Variants in ARHGEF28 observed in about 807,000 individuals in gnomAD.
ARHGEF28 encodes the protein Rho guanine nucleotide exchange factor 28.
A neutral mutation model predicts 206.6 loss-of-function variants in ARHGEF28; 152 were observed. The ratio of observed to expected loss-of-function variants is 0.74; its 90% confidence interval spans 0.64 to 0.84. The LOEUF (loss-of-function observed/expected upper bound fraction) is 0.84, where lower values mean the gene tolerates loss of function less well. Ranked by LOEUF, ARHGEF28 falls within the 40% of genes least tolerant of loss-of-function variation. The pLI is 0.00. For missense variants in ARHGEF28, 2,028 were observed against 2,073.2 expected (o/e 0.98, Z 0.42); for synonymous variants, 763 against 776.4 (o/e 0.98, Z 0.29).
intron 10 of ARHGEF28, among the ~76,000 whole-genome samples, chr5:73,838,439 T>G (rs1757794521): frequency 6.6e-6 from 1 of 152,202 alleles, no homozygotes; most frequent in Non-Finnish European, 1.5e-5. Flanking sequence ...TGTTTCCCAT[T>G]AATTTTCAAG....
chr5:73,662,347 T>G (rs538762204), intron 1 of ARHGEF28, among the ~76,000 whole-genome samples: 1 of 152,316 alleles, frequency 6.6e-6, no homozygotes, highest in East Asian at 1.9e-4. Context: ...TTCTGAGGAT[T>G]TGAGGATAAG....
intron 7 of ARHGEF28, among the ~76,000 whole-genome samples, 187 bp downstream of exon 7, chr5:73,780,932 C>T (rs1220826292): frequency 6.6e-6 from 1 of 152,146 alleles, no homozygotes; most frequent in Non-Finnish European, 1.5e-5. Flanking sequence ...CTGTTTGTTT[C>T]CACTCTCCAT....
intron 26 of ARHGEF28, among the ~76,000 whole-genome samples, chr5:73,891,276 G>A (rs72772585): frequency 3.9e-5 from 6 of 151,978 alleles, no homozygotes; most frequent in East Asian, 1.9e-4. Flanking sequence ...CCACTTATTC[G>A]TATCTTTTGT....
intron 1 of ARHGEF28, among the ~76,000 whole-genome samples, chr5:73,682,840 G>A (rs550025039): frequency 6.8e-4 from 104 of 152,320 alleles, no homozygotes; most frequent in Non-Finnish European, 1.1e-3. Context: ...CCTGGGAGGC[G>A]GAGGTTGCAG....
intron 1 of ARHGEF28, among the ~76,000 whole-genome samples, chr5:73,649,511 G>C (rs989922763): frequency 3.8e-4 from 58 of 152,354 alleles, no homozygotes; most frequent in African/African-American, 1.4e-3. Context: ...TGGTTTGACT[G>C]TCTTGTTCTA....
intron 35 of ARHGEF28, among the ~76,000 whole-genome samples, chr5:73,931,966 C>T (rs1309858413): frequency 6.6e-6 from 1 of 152,162 alleles, no homozygotes; most frequent in Non-Finnish European, 1.5e-5. Context: ...TTTCCACAGC[C>T]TGGCTGTTTA....
chr5:73,787,350 C>T (rs543486209), intron 7 of ARHGEF28, among the ~76,000 whole-genome samples: 37 of 152,266 alleles, frequency 2.4e-4, no homozygotes, highest in South Asian at 1.0e-3. Context: ...AAAAATCATA[C>T]GCAGCCCTAG....
intron 11 of ARHGEF28, among the ~76,000 whole-genome samples, chr5:73,845,011 A>ATTTTTTTTTTTTT (rs70973277): frequency 4.0e-5 from 4 of 99,362 alleles, no homozygotes; most frequent in African/African-American, 1.6e-4. Context: ...CAAAGGAATC[A>ATTTTTTTTTTTTT]TTTTTTTTTT....
At chr5:73,867,066 T>G (rs779733234) in intron 18 of ARHGEF28, among the ~76,000 whole-genome samples, 4 of 152,204 alleles carry the variant, frequency 2.6e-5, no homozygotes, top group Non-Finnish European at 5.9e-5. Context: ...AAGGGGCTTC[T>G]CATTTTCATA....
At chr5:73,645,121 G>A (rs1364545076) in intron 1 of ARHGEF28, among the ~76,000 whole-genome samples, 1 of 152,168 alleles carries the variant, frequency 6.6e-6, no homozygotes, top group Non-Finnish European at 1.5e-5. Context: ...TTGGAGTTCA[G>A]AGAATTTAAG....
intron 9 of ARHGEF28, among the ~76,000 whole-genome samples, chr5:73,799,766 G>A (rs1755026703): frequency 6.6e-6 from 1 of 152,212 alleles, no homozygotes; most frequent in South Asian, 2.1e-4. Context: ...AGCATGTTTT[G>A]ACTTTCCCTA....
At chr5:73,845,986 C>CAAAAAAAAAAAAAAAAAAAA (rs57600570) in intron 11 of ARHGEF28, among the ~76,000 whole-genome samples, 4 of 63,758 alleles carry the variant, frequency 6.3e-5, no homozygotes, top group Non-Finnish European at 6.8e-5. Context: ...AAAACTGTCT[C>CAAAAAAAAAAAAAAAAAAAA]AAAAAAAAAA....
At chr5:73,861,497 A>G (rs1024436906) in intron 16 of ARHGEF28, among the ~76,000 whole-genome samples, 4 of 152,066 alleles carry the variant, frequency 2.6e-5, no homozygotes, top group African/African-American at 9.7e-5. Context: ...CAGTGGTGCA[A>G]TCTCAGCTTA....
intron 1 of ARHGEF28, among the ~76,000 whole-genome samples, chr5:73,658,843 A>G (rs1286886830): frequency 2.6e-5 from 4 of 152,264 alleles, no homozygotes; most frequent in East Asian, 3.9e-4. Context: ...GGAATTTTGC[A>G]TAGTATCTGT....
intron 2 of ARHGEF28, among the ~76,000 whole-genome samples, chr5:73,687,010 C>G (rs1344762726): frequency 1.3e-5 from 2 of 152,094 alleles, no homozygotes; most frequent in Admixed American, 1.3e-4. Flanking sequence ...AATTGAGATG[C>G]TCTTACATTC....
chr5:73,821,761 G>A (rs962200427), intron 9 of ARHGEF28, among the ~76,000 whole-genome samples: 1 of 152,032 alleles, frequency 6.6e-6, no homozygotes, highest in Non-Finnish European at 1.5e-5. Flanking sequence ...AAGAAGGAAG[G>A]GGCTTGTTGA....
intron 11 of ARHGEF28, among the ~76,000 whole-genome samples, chr5:73,845,678 G>A (rs1484427045): frequency 6.6e-6 from 1 of 152,120 alleles, no homozygotes; most frequent in Non-Finnish European, 1.5e-5. Flanking sequence ...ACTCAAACCA[G>A]CTTTTGTTTC....
At chr5:73,925,441 G>A (rs993902328) in intron 35 of ARHGEF28, among the ~76,000 whole-genome samples, 10 of 152,156 alleles carry the variant, frequency 6.6e-5, no homozygotes, top group African/African-American at 2.2e-4. Context: ...TGGCTCCAGG[G>A]CCACGTGCTT....
At chr5:73,770,475 A>T (rs1753163209) in intron 4 of ARHGEF28, among the ~76,000 whole-genome samples, 1 of 152,230 alleles carries the variant, frequency 6.6e-6, no homozygotes, top group Non-Finnish European at 1.5e-5. Context: ...GTAATTCTGC[A>T]TTGGTTACAT....
Sources: allele counts gnomAD v4.1 joint callset (sites outside exome capture counted in the v4.1 genomes callset), GRCh38; gene constraint gnomAD v4.1.1; transcripts MANE v1.5; gene names NCBI Gene and HGNC (gene_info 2026-07-23, HGNC 2026-07-21).